AGPAT3: variants seen among roughly 807,000 people sequenced by gnomAD.
AGPAT3 encodes 1-acylglycerol-3-phosphate O-acyltransferase 3.
In AGPAT3, 5 loss-of-function variants were observed where a neutral mutation model predicts 47.3. That is an observed-to-expected ratio of 0.11 (90% CI 0.06 to 0.22). AGPAT3 has a LOEUF of 0.22. AGPAT3 is among the 10% of genes least tolerant of loss of function. The pLI is 1.00. For missense variants in AGPAT3, 315 were observed against 493.0 expected (o/e 0.64, Z 3.42); for synonymous variants, 212 against 208.3 (o/e 1.02, Z -0.15).
chr21:43,869,337 T>G (rs2085575182), intron 1 of AGPAT3, among the ~76,000 whole-genome samples: 1 of 152,016 alleles, frequency 6.6e-6, no homozygotes, highest in African/African-American at 2.4e-5. Context: ...TTGGAGTGAT[T>G]GATTGAGTGA....
At chr21:43,916,461 T>G (rs2086732018) in intron 2 of AGPAT3, 1 of 152,198 alleles carries the variant, frequency 6.6e-6, no homozygotes, top group Non-Finnish European at 1.5e-5. Flanking sequence ...TCTAAGAATT[T>G]TAGTTTTAGC....
intron 2 of AGPAT3, among the ~76,000 whole-genome samples, chr21:43,923,297 G>A (rs1477104186): frequency 2.0e-5 from 3 of 152,292 alleles, no homozygotes; most frequent in African/African-American, 4.8e-5. Flanking sequence ...ACCGGGCAAC[G>A]CCTCGGGAAG....
intron 1 of AGPAT3, among the ~76,000 whole-genome samples, chr21:43,887,652 G>GTTTA (rs915188777): frequency 7.9e-5 from 12 of 152,250 alleles, no homozygotes; most frequent in Admixed American, 2.6e-4. Flanking sequence ...TGTATACAGA[G>GTTTA]TTTATTTATT....
intron 2 of AGPAT3, among the ~76,000 whole-genome samples, chr21:43,943,428 C>G (rs2087736695): frequency 6.6e-6 from 1 of 152,144 alleles, no homozygotes; most frequent in Non-Finnish European, 1.5e-5. Flanking sequence ...TCCTGCCGTC[C>G]CATAGGATTT....
intron 2 of AGPAT3, among the ~76,000 whole-genome samples, chr21:43,917,279 G>A (rs1190665805): frequency 2.7e-5 from 4 of 150,866 alleles, no homozygotes; most frequent in Non-Finnish European, 4.4e-5. Context: ...GCGCGGTCCC[G>A]CTGCTCCTCC....
intron 1 of AGPAT3, among the ~76,000 whole-genome samples, chr21:43,889,798 C>T (rs2145920937): frequency 6.6e-6 from 1 of 152,338 alleles, no homozygotes; most frequent in Non-Finnish European, 1.5e-5. Context: ...CTAAAAAATG[C>T]TAATGATCAT....
chr21:43,984,917 G>A lies in AGPAT3; in HGVS notation c.*2525G>A, dbSNP rs928848945. ...CCCACAGTCCGTGCTGGCCACTGTC[G>A]GGGTGAGGCACATTCTAGGCCTGGC... is the stretch of plus-strand genomic sequence containing the variant. On this transcript the variant is annotated 3_prime_UTR_variant, in exon 10 of 10. Transcript: ENST00000291572. 3.9e-5 allele frequency: 14 copies of A among 354,614 alleles called. No individual in the cohort carries two copies. The highest frequency in any genetic ancestry group is 7.6e-5 in the Admixed American group (2 of 26,210). The allele number at this position is 354,614 out of a possible 1,614,324, so 22.0% of individuals were successfully genotyped here. A position where few individuals can be genotyped will look rare whatever the true frequency, so the allele number is the denominator to read the frequency against.
At chr21:43,941,780 G>A (rs2087664517) in intron 2 of AGPAT3, among the ~76,000 whole-genome samples, 1 of 152,262 alleles carries the variant, frequency 6.6e-6, no homozygotes. Flanking sequence ...GACCGTTCCT[G>A]GCGCCTGGGC....
rs9982600 is a variant in AGPAT3 at position 43,952,339 on chromosome 21, A to G, written c.-48-7295A>G. Among the ~76,000 whole-genome samples the G allele has an allele frequency of 0.43, 65,404 of 151,892 alleles. 14,192 individuals are homozygous for G. Among genetic ancestry groups the G allele is most frequent in the Admixed American group, 0.47 (7,112 of 15,276 alleles). ...CCTGATGATATCATTTAACTTAATT[A>G]CTGTGTTAAAGGCCCTGTCTCCAAA... On this transcript the variant is annotated intron_variant, in intron 2 of 9. Transcript: ENST00000291572. The surrounding 1 kb of genome is among the most constrained non-coding windows in gnomAD (Gnocchi z 5.6).
At chr21:43,878,191 C>T (rs954785663) in intron 1 of AGPAT3, among the ~76,000 whole-genome samples, 1 of 152,186 alleles carries the variant, frequency 6.6e-6, no homozygotes, top group African/African-American at 2.4e-5. Flanking sequence ...TCAAGCTGCC[C>T]CACTGGCCAC....
intron 7 of AGPAT3, among the ~76,000 whole-genome samples, chr21:43,973,954 G>C (rs1297851454): frequency 6.6e-6 from 1 of 152,130 alleles, no homozygotes; most frequent in African/African-American, 2.4e-5. Flanking sequence ...AAAAAAAATA[G>C]AATTTTTATT....
chr21:43,948,319 G>A (rs1204108932), intron 2 of AGPAT3: 1 of 152,240 alleles, frequency 6.6e-6, no homozygotes, highest in Non-Finnish European at 1.5e-5. Context: ...AGGGAGGGAA[G>A]AACGACAAAG....
chr21:43,917,804 GGTTGT>G (rs201853935), intron 2 of AGPAT3, among the ~76,000 whole-genome samples: 53 of 120,086 alleles, frequency 4.4e-4, no homozygotes, highest in African/African-American at 1.8e-3. Context: ...GTATTGTGGG[GGTTGT>G]GTTGTGGGTG....
In AGPAT3 at chr21:43,930,818, G is replaced by T. The variant is rs948988241; in HGVS notation, c.-49+26799G>T. On this transcript the variant is annotated intron_variant, in intron 2 of 9. Coordinates refer to ENST00000291572, the MANE Select transcript of AGPAT3 (RefSeq NM_020132.5). The surrounding 1 kb of genome is among the most constrained non-coding windows in gnomAD (Gnocchi z 5.0). ...GGCCGGGGTGGCCCACGGCAGGCCA[G>T]TGTGCGGTCCTCAAGCTGCTGGTGA... 6.6e-6 allele frequency among the ~76,000 whole-genome samples: 1 copy of T among 152,176 alleles called. No individual in the cohort carries two copies. The highest frequency in any genetic ancestry group is 6.5e-5 in the Admixed American group (1 of 15,288).
At chr21:43,902,982 C>G (rs2146020822) in intron 1 of AGPAT3, among the ~76,000 whole-genome samples, 1 of 152,250 alleles carries the variant, frequency 6.6e-6, no homozygotes, top group Non-Finnish European at 1.5e-5. Flanking sequence ...GCCTGGGTAA[C>G]AGAGCGAGAT....
intron 3 of AGPAT3, chr21:43,966,736 T>C (rs1695014430): frequency 6.6e-6 from 1 of 152,200 alleles, no homozygotes; most frequent in Non-Finnish European, 1.5e-5. Flanking sequence ...TATAAATAAC[T>C]GGTATAAAAG....
chr21:43,977,896 A>AG (rs2089680348), intron 7 of AGPAT3, 150 bp from the exon 8 acceptor site: 2 of 613,324 alleles, frequency 3.3e-6, no homozygotes, highest in South Asian at 4.2e-5. Flanking sequence ...AAAAAAAAAA[A>AG]AAAGAAAAGA....
In AGPAT3 at chr21:43,952,905, A is replaced by G. The variant is rs2088270313; in HGVS notation, c.-48-6729A>G. ...GGCTCTTCTATCCCAGGCGTTCTCC[A>G]AGGTCCCCAGGGTGCTGGGGGCTGC... On this transcript the variant is annotated intron_variant, in intron 2 of 9. Coordinates refer to ENST00000291572, the MANE Select transcript of AGPAT3 (RefSeq NM_020132.5). The surrounding 1 kb of genome is among the most constrained non-coding windows in gnomAD (Gnocchi z 5.6). Among the ~76,000 whole-genome samples the G allele has an allele frequency of 6.6e-6, 1 of 151,848 alleles. No homozygotes were observed. Among genetic ancestry groups the G allele is most frequent in the African/African-American group, 2.4e-5 (1 of 41,338 alleles).
At position 43,933,905 on chromosome 21, in the gene AGPAT3, G is replaced by C. The variant is rs991199231; in HGVS notation, c.-48-25729G>C. On this transcript the variant is annotated intron_variant, in intron 2 of 9. Coordinates refer to ENST00000291572, the MANE Select transcript of AGPAT3 (RefSeq NM_020132.5). This position sits in a 1 kb window ranked among gnomAD's most constrained non-coding sequence, Gnocchi z 6.0. ...AGGGTTAGAACTGAGCAGCAGGACG[G>C]GGTCTGTGGGTGCACGAGAGGAGGC... Among the ~76,000 whole-genome samples, 1 of 152,210 alleles carries C rather than the reference G, an allele frequency of 6.6e-6. No homozygotes were observed. The highest frequency in any genetic ancestry group is 2.4e-5 in the African/African-American group (1 of 41,458).
Sources: allele counts gnomAD v4.1 joint callset (sites outside exome capture counted in the v4.1 genomes callset), GRCh38; gene constraint gnomAD v4.1.1; non-coding constraint Gnocchi (gnomAD v3.1); transcripts MANE v1.5; gene names NCBI Gene and HGNC (gene_info 2026-07-23, HGNC 2026-07-21).